KCNIP4: variants seen among roughly 807,000 people sequenced by gnomAD.
KCNIP4 encodes Kv channel-interacting protein 4.
In KCNIP4, 12 loss-of-function variants were observed where a neutral mutation model predicts 34.0. The ratio of observed to expected loss-of-function variants is 0.35; its 90% CI spans 0.23 to 0.57. KCNIP4 has a LOEUF of 0.57. Ranked by LOEUF, KCNIP4 falls within the 20% of genes least tolerant of loss-of-function variation. The pLI, the probability that KCNIP4 is intolerant of heterozygous loss-of-function variation, is 0.83. For missense variants in KCNIP4, 238 were observed against 311.7 expected (o/e 0.76, Z 1.78); for synonymous variants, 124 against 102.2 (o/e 1.21, Z -1.29).
At chr4:21,007,680 G>A (rs1341760573) in intron 1 of KCNIP4, among the ~76,000 whole-genome samples, 1 of 152,168 alleles carries the variant, frequency 6.6e-6, no homozygotes, top group African/African-American at 2.4e-5. Context: ...CTAATGGTGA[G>A]ATCCGAATTT....
intron 1 of KCNIP4, among the ~76,000 whole-genome samples, chr4:21,785,293 GA>G (rs1180702298): frequency 5.8e-4 from 84 of 143,634 alleles, no homozygotes; most frequent in African/African-American, 1.7e-3. Context: ...ATATCACTTC[GA>G]AAAAAAAAAA....
At chr4:20,952,681 A>G (rs1026552820) in intron 1 of KCNIP4, among the ~76,000 whole-genome samples, 1 of 152,238 alleles carries the variant, frequency 6.6e-6, no homozygotes, top group African/African-American at 2.4e-5. Flanking sequence ...TTCATGCCAG[A>G]TTTAAAAAAT....
At chr4:20,993,526 C>T (rs1158850024) in intron 1 of KCNIP4, among the ~76,000 whole-genome samples, 1 of 152,168 alleles carries the variant, frequency 6.6e-6, no homozygotes, top group Non-Finnish European at 1.5e-5. Flanking sequence ...ACTAAGCCCT[C>T]TTAAAAGAAG....
intron 1 of KCNIP4, among the ~76,000 whole-genome samples, chr4:21,880,049 T>C (rs1417414442): frequency 6.6e-6 from 1 of 152,168 alleles, no homozygotes; most frequent in Non-Finnish European, 1.5e-5. Flanking sequence ...CAATTAAACC[T>C]CTTTCCTTTA....
At chr4:21,257,164 G>T (rs1761114469) in intron 1 of KCNIP4, among the ~76,000 whole-genome samples, 1 of 152,130 alleles carries the variant, frequency 6.6e-6, no homozygotes, top group South Asian at 2.1e-4. Flanking sequence ...GTCATCAACT[G>T]AGATGGGAAA....
chr4:21,545,632 G>A (rs1420630834), intron 1 of KCNIP4, among the ~76,000 whole-genome samples: 1 of 152,172 alleles, frequency 6.6e-6, no homozygotes, highest in Non-Finnish European at 1.5e-5. Context: ...AGAACACGTA[G>A]TGTTTGGTTT....
intron 3 of KCNIP4, among the ~76,000 whole-genome samples, chr4:20,822,118 G>T (rs2149446174): frequency 6.6e-6 from 1 of 152,170 alleles, no homozygotes; most frequent in South Asian, 2.1e-4. Flanking sequence ...TATCAGCAAA[G>T]TAAACAGAAA....
At chr4:21,014,560 A>T (rs1739339453) in intron 1 of KCNIP4, among the ~76,000 whole-genome samples, 1 of 152,234 alleles carries the variant, frequency 6.6e-6, no homozygotes, top group Admixed American at 6.5e-5. Context: ...ATCAAATCAC[A>T]TTGAGATATT....
At chr4:21,058,962 T>C (rs1743667767) in intron 1 of KCNIP4, among the ~76,000 whole-genome samples, 1 of 151,978 alleles carries the variant, frequency 6.6e-6, no homozygotes, top group African/African-American at 2.4e-5. Flanking sequence ...GGTAATTGAG[T>C]CATGATAGTG....
chr4:21,223,569 C>T (rs2109004717), intron 1 of KCNIP4, among the ~76,000 whole-genome samples: 1 of 152,302 alleles, frequency 6.6e-6, no homozygotes, highest in East Asian at 1.9e-4. Context: ...GCACCTGCCT[C>T]ACAGCATAGT....
intron 1 of KCNIP4, among the ~76,000 whole-genome samples, chr4:21,436,582 G>C (rs376256155): frequency 1.9e-4 from 29 of 152,276 alleles, no homozygotes; most frequent in African/African-American, 7.0e-4. Flanking sequence ...TTAGGAAACA[G>C]GTTCTGGAGT....
intron 1 of KCNIP4, among the ~76,000 whole-genome samples, chr4:21,572,704 C>A (rs1376433197): frequency 1.3e-5 from 2 of 151,520 alleles, no homozygotes; most frequent in Admixed American, 6.6e-5. Context: ...CAGCTCACTG[C>A]AACCTCTGCC....
At chr4:21,291,361 T>G (rs565121880) in intron 1 of KCNIP4, among the ~76,000 whole-genome samples, 1 of 129,010 alleles carries the variant, frequency 7.8e-6, no homozygotes, top group East Asian at 2.8e-4. Flanking sequence ...TACAAACATT[T>G]GTGTACAAAT....
chr4:21,248,430 G>A (rs961043814), intron 1 of KCNIP4, among the ~76,000 whole-genome samples: 5 of 152,016 alleles, frequency 3.3e-5, no homozygotes, highest in African/African-American at 4.8e-5. Context: ...GGGAATCTTC[G>A]CACGGATTTG....
At chr4:20,872,716 T>A (rs1723615211) in intron 2 of KCNIP4, among the ~76,000 whole-genome samples, 1 of 152,096 alleles carries the variant, frequency 6.6e-6, no homozygotes, top group South Asian at 2.1e-4. Flanking sequence ...TATCTAACAG[T>A]CTACACAGTG....
At chr4:21,455,805 A>T (rs1469375262) in intron 1 of KCNIP4, among the ~76,000 whole-genome samples, 1 of 94,780 alleles carries the variant, frequency 1.1e-5, no homozygotes, top group East Asian at 3.0e-4. Context: ...TCTTACAGAT[A>T]TTCATATATA....
At position 21,836,833 on chromosome 4, in the gene KCNIP4, C is replaced by T. The variant is rs189820925; in HGVS notation, c.61+111738G>A. 2.1e-4 allele frequency among the ~76,000 whole-genome samples: 32 copies of T among 151,754 alleles called. No homozygotes were observed. In the East Asian group the frequency reaches 6.2e-3, roughly 30 times the overall value. On this transcript the variant is annotated intron_variant, in intron 1 of 8. Transcript: ENST00000382152. The stretch of plus-strand genomic sequence containing the variant: ...TATATTAATGGGCTTAATCTAGGAG[C>T]CAGATGGATTTGTCCTCTCCCAAAG...
At chr4:21,200,371 CATATAT>C (rs1756396070) in intron 1 of KCNIP4, among the ~76,000 whole-genome samples, 1 of 130,584 alleles carries the variant, frequency 7.7e-6, no homozygotes, top group Non-Finnish European at 1.6e-5. Context: ...TATATACATA[CATATAT>C]GTGTGTATAT....
At chr4:21,217,927 G>A (rs1375428431) in intron 1 of KCNIP4, among the ~76,000 whole-genome samples, 1 of 151,082 alleles carries the variant, frequency 6.6e-6, no homozygotes, top group Admixed American at 6.6e-5. Context: ...GTGCAATATT[G>A]CTCACTAAAT....
Sources: allele counts gnomAD v4.1 joint callset (sites outside exome capture counted in the v4.1 genomes callset), GRCh38; gene constraint gnomAD v4.1.1; transcripts MANE v1.5; gene names NCBI Gene and HGNC (gene_info 2026-07-23, HGNC 2026-07-21).